The following THYN1 variants were observed in gnomAD, a reference collection of about 807,000 sequenced individuals.
THYN1 encodes thymocyte nuclear protein 1, also known as thymocyte protein thy28.
Under a neutral mutation model 30.6 loss-of-function variants are expected in THYN1, and 32 were observed. That is an observed-to-expected ratio of 1.05 (90% confidence interval 0.79 to 1.40). The LOEUF (loss-of-function observed/expected upper bound fraction) is 1.40, where lower values mean the gene tolerates loss of function less well. Ranked by LOEUF, THYN1 falls within the 40% of genes most tolerant of loss-of-function variation. The pLI is 0.00. For synonymous variants in THYN1, 107 were observed against 90.8 expected, an observed-to-expected ratio of 1.18 and a Z score of -1.01; for missense variants, 259 against 272.6, an observed-to-expected ratio of 0.95 and a Z score of 0.35.
Position 134,248,555 on chromosome 11 carries a change from G to A in THYN1, c.632-71C>T, listed in dbSNP as rs1938896018. The A allele has an allele frequency of 4.4e-6, 7 of 1,575,638 alleles. No homozygotes were observed. The South Asian group carries it at 6.7e-5, about 15-fold the overall frequency. On this transcript the variant is annotated intron_variant, in intron 6 of 6. Transcript: ENST00000341541. ...CCTCTTGAACAGGAAAGTTGTGCCA[G>A]GCACAGGTACATCTTACATGGTACT...
intron 3 of THYN1, 109 bp from the exon 4 acceptor site, chr11:134,250,029 C>A: frequency 3.5e-6 from 4 of 1,145,246 alleles, no homozygotes; most frequent in Non-Finnish European, 5.0e-6. Context: ...GTCTGCAACT[C>A]CTCAATTCAT....
chr11:134,248,686 G>A, intron 6 of THYN1, 123 bp downstream of exon 6: 1 of 1,426,870 alleles, frequency 7.0e-7, no homozygotes. Context: ...CCTCATGGGT[G>A]TTACAGGTGA....
Position 134,249,837 on chromosome 11 carries a change from T to A in THYN1, c.375A>T (p.Gly125=). ...HSNCKEPGIA[G]LMKIVKEAYP... Reference sequence around the variant, plus strand: ...AACCTGCCCAACTAACCTTCATGAGTCCTGCGATGCCTGGCTCTTTGCAGT... The same window carrying A: ...AACCTGCCCAACTAACCTTCATGAGACCTGCGATGCCTGGCTCTTTGCAGT... Residue 125 remains glycine (G), a synonymous_variant, in exon 4 of 7, where the codon GGA becomes GGT. Transcript: ENST00000341541. 1 of 1,614,046 alleles carries A rather than the reference T, an allele frequency of 6.2e-7. No homozygotes were observed. The highest frequency in any genetic ancestry group is 8.5e-7 in the Non-Finnish European group (1 of 1,179,998).
intron 1 of THYN1, 135 bp from the exon 2 acceptor site, chr11:134,251,443 T>G: frequency 1.0e-6 from 1 of 982,502 alleles, no homozygotes. Flanking sequence ...TTAATCTTAC[T>G]GTTAAGAAGC....
intron 1 of THYN1, 125 bp downstream of exon 1, chr11:134,252,715 G>A: frequency 1.8e-6 from 2 of 1,085,214 alleles, no homozygotes; most frequent in South Asian, 1.3e-5. Context: ...GAGTGATTAA[G>A]GATAATGGAG....
At chr11:134,248,564 A>G (rs2136057495) in intron 6 of THYN1, 80 bp from the exon 7 acceptor site, 2 of 1,541,364 alleles carry the variant, frequency 1.3e-6, no homozygotes, top group Non-Finnish European at 1.8e-6. Flanking sequence ...AGGCACAGGT[A>G]CATCTTACAT....
chr11:134,252,966 G>C lies in THYN1; in HGVS notation c.-84C>G, dbSNP rs1939190165. On this transcript the variant is annotated 5_prime_UTR_variant, in exon 1 of 7. Coordinates refer to ENST00000341541, the MANE Select transcript of THYN1 (RefSeq NM_014174.3). Reference sequence around the variant, plus strand: ...AGAATGCTAATGTCCTCCAAAACCCGCGCAGAGCGAGATGGAGGCAACGAG... The same window carrying C: ...AGAATGCTAATGTCCTCCAAAACCCCCGCAGAGCGAGATGGAGGCAACGAG... 2 of 1,492,272 alleles carry C rather than the reference G, an allele frequency of 1.3e-6. No individual in the cohort carries two copies. The highest frequency in any genetic ancestry group is 1.8e-6 in the Non-Finnish European group (2 of 1,123,550). The allele number at this position is 1,492,272 out of a possible 1,614,324, so 92.4% of individuals were successfully genotyped here. A position where few individuals can be genotyped will look rare whatever the true frequency, so the allele number is the denominator to read the frequency against.
At chr11:134,249,067 G>A in intron 5 of THYN1, 100 bp downstream of exon 5, 1 of 1,548,878 alleles carries the variant, frequency 6.5e-7, no homozygotes, top group Non-Finnish European at 8.8e-7. Context: ...CCTCATCTGA[G>A]TAAGTGCTGG....
intron 4 of THYN1, 110 bp downstream of exon 4, chr11:134,249,718 T>C (rs1591491672): frequency 3.0e-6 from 3 of 984,872 alleles, no homozygotes; most frequent in Non-Finnish European, 4.5e-6. Flanking sequence ...GGGGATGGGG[T>C]GGGGGGGAGT....
chr11:134,248,923 T>C lies in THYN1; in HGVS notation c.517A>G (p.Ile173Val). The C allele has an allele frequency of 6.2e-7, 1 of 1,614,210 alleles. No individual in the cohort carries two copies. The highest frequency in any genetic ancestry group is 8.5e-7 in the Non-Finnish European group (1 of 1,180,042). ...VQFVRMMKRFIPLAELKSYHQ... is the reference protein window; with the variant it reads ...VQFVRMMKRFVPLAELKSYHQ... ...TAGGATTTGAGCTCAGCCAGGGGAA[T>C]GAAACGTTTCATCATCCGAACAAAC... The change falls in exon 6 of 7, where the codon ATT becomes GTT. Residue 173 changes from isoleucine (I) to valine (V), a missense_variant. Transcript: ENST00000341541.
In THYN1 at chr11:134,248,929, G is replaced by T; in HGVS notation, c.511C>A (p.Arg171Ser). 4 of 1,614,202 alleles carry T rather than the reference G, an allele frequency of 2.5e-6. No homozygotes were observed. Among genetic ancestry groups the T allele is most frequent in the Non-Finnish European group, 3.4e-6 (4 of 1,180,048 alleles). Residue 171 changes from arginine (R) to serine (S), a missense_variant, in exon 6 of 7, where the codon CGT becomes AGT. Transcript: ENST00000341541. ...TTGAGCTCAGCCAGGGGAATGAAAC[G>T]TTTCATCATCCGAACAAACTGTACA... ...VDVQFVRMMK[R>S]FIPLAELKSY... is the part of the protein sequence containing the mutation.
chr11:134,250,646 C>T (rs970896378), intron 2 of THYN1, among the ~76,000 whole-genome samples: 51 of 152,204 alleles, frequency 3.4e-4, no homozygotes, highest in African/African-American at 1.1e-3. Flanking sequence ...TATATTTTTC[C>T]CAGGCTATAT....
At chr11:134,249,110 GTCT>G (rs776542958) in intron 5 of THYN1, 54 bp downstream of exon 5, 48 of 1,573,104 alleles carry the variant, frequency 3.1e-5, no homozygotes, top group East Asian at 6.7e-5. Flanking sequence ...CACCCCAACC[GTCT>G]TCTTCCCCTG....
Position 134,249,851 on chromosome 11 carries a change from G to A in THYN1, c.361C>T (p.Pro121Ser), listed in dbSNP as rs779913573. The change falls in exon 4 of 7, where the codon CCA becomes TCA. Residue 121 changes from proline (P) to serine (S), a missense_variant. Physicochemically the swap from Pro to Ser is moderately conservative, Grantham distance 74 (BLOSUM62 -1). Coordinates refer to ENST00000341541, the MANE Select transcript of THYN1 (RefSeq NM_014174.3). Reference protein sequence around the residue: ...AFFYHSNCKEPGIAGLMKIVK... With the variant: ...AFFYHSNCKESGIAGLMKIVK... ...ACCTTCATGAGTCCTGCGATGCCTGGCTCTTTGCAGTTGCTATGGTAGAAG... is the reference window on the plus strand; with the variant it reads ...ACCTTCATGAGTCCTGCGATGCCTGACTCTTTGCAGTTGCTATGGTAGAAG... 2 of 1,614,106 alleles carry A rather than the reference G, an allele frequency of 1.2e-6. No individual in the cohort carries two copies. Among genetic ancestry groups the A allele is most frequent in the Non-Finnish European group, 1.7e-6 (2 of 1,180,000 alleles).
chr11:134,252,737 C>T (rs557874671), intron 1 of THYN1, 103 bp downstream of exon 1: 2 of 1,328,776 alleles, frequency 1.5e-6, no homozygotes, highest in Non-Finnish European at 2.1e-6. Flanking sequence ...AAAAATATCA[C>T]AAAGGGTTCT....
At position 134,248,820 on chromosome 11, in the gene THYN1, G is replaced by C; in HGVS notation, c.620C>G (p.Pro207Arg). 6.2e-7 allele frequency: 1 copy of C among 1,614,150 alleles called. No individual in the cohort carries two copies. The highest frequency in any genetic ancestry group is 1.1e-5 in the South Asian group (1 of 91,080). Reference protein sequence around the residue: ...LFTRQRLSIQPLTQEEFDFVL... With the variant: ...LFTRQRLSIQRLTQEEFDFVL... Reference sequence around the variant, plus strand: ...GGGCCCACTCTTACCCTGGGTCAGGGGCTGGATTGATAATCTCTGGCGAGT... The same window carrying C: ...GGGCCCACTCTTACCCTGGGTCAGGCGCTGGATTGATAATCTCTGGCGAGT... Residue 207 changes from proline (P) to arginine (R), a missense_variant, in exon 6 of 7, where the codon CCC (proline) becomes CGC (arginine). Coordinates refer to ENST00000341541, the MANE Select transcript of THYN1 (RefSeq NM_014174.3).
In THYN1 at chr11:134,252,696, G is replaced by T. The variant is rs1044343585; in HGVS notation, c.43+144C>A. The T allele has an allele frequency of 2.2e-5, 20 of 914,612 alleles. 1 individual carries two copies. The African/African-American group carries it at 2.8e-4, about 13-fold the overall frequency. The allele number at this position is 914,612 out of a possible 1,614,324, so 56.7% of individuals were successfully genotyped here. On this transcript the variant is annotated intron_variant, in intron 1 of 6. Transcript: ENST00000341541. ...GTAGGAGCTTGGTGAGACAAGTAAA[G>T]AAGATGGAGAGTGATTAAGGATAAT...
intron 2 of THYN1, among the ~76,000 whole-genome samples, chr11:134,250,612 C>A (rs1939004552): frequency 6.6e-6 from 1 of 152,090 alleles, no homozygotes; most frequent in Admixed American, 6.5e-5. Flanking sequence ...TTGCATTTTA[C>A]TTTATATTTA....
chr11:134,250,169 G>A, intron 3 of THYN1, 106 bp downstream of exon 3: 2 of 1,365,620 alleles, frequency 1.5e-6, no homozygotes, highest in Non-Finnish European at 2.1e-6. Flanking sequence ...TTGCTTCTGA[G>A]AAAAAGCAAC....
Sources: gnomAD v4.1 joint callset for allele counts (sites outside exome capture counted in the v4.1 genomes callset) on GRCh38, gnomAD v4.1.1 for gene constraint, MANE v1.5 for transcripts, NCBI Gene and HGNC (gene_info 2026-07-23, HGNC 2026-07-21) for gene names.